Variants in KCNN2 observed in about 807,000 individuals in gnomAD.
KCNN2 encodes the protein potassium calcium-activated channel subfamily N member 2.
KCNN2 carries 24 observed loss-of-function variants against 55.5 expected under a neutral mutation model. That is an observed-to-expected ratio of 0.43 (90% CI 0.31 to 0.61). KCNN2 has a LOEUF of 0.61. Among genes scored for constraint, KCNN2 ranks in the 20% least tolerant of loss-of-function variants. KCNN2 has a pLI of 0.08. For synonymous variants in KCNN2, 431 were observed against 336.1 expected, an observed-to-expected ratio of 1.28 and a Z score of -3.09; for missense variants, 754 against 853.6, an observed-to-expected ratio of 0.88 and a Z score of 1.45.
chr5:114,100,714 T>C (rs1000817576), intron 1 of KCNN2, among the ~76,000 whole-genome samples: 1 of 152,092 alleles, frequency 6.6e-6, no homozygotes, highest in African/African-American at 2.4e-5. Context: ...CTAAGGCTTC[T>C]TGGAGAAATT....
intron 2 of KCNN2, among the ~76,000 whole-genome samples, chr5:114,223,617 G>T (rs1303776170): frequency 6.6e-6 from 1 of 152,070 alleles, no homozygotes; most frequent in South Asian, 2.1e-4. Flanking sequence ...TTTTACAAGA[G>T]AATTTAATAC....
chr5:114,351,878 C>T (rs1757208616), intron 2 of KCNN2, among the ~76,000 whole-genome samples: 1 of 151,638 alleles, frequency 6.6e-6, no homozygotes, highest in Non-Finnish European at 1.5e-5. Flanking sequence ...ATTTTTGCAT[C>T]TATATACATA....
At chr5:114,409,351 C>A (rs147752365) in intron 3 of KCNN2, among the ~76,000 whole-genome samples, 5 of 152,234 alleles carry the variant, frequency 3.3e-5, no homozygotes, top group African/African-American at 7.2e-5. Context: ...ATTGTTTTTC[C>A]GTAAATTTGC....
intron 2 of KCNN2, among the ~76,000 whole-genome samples, chr5:114,251,663 G>A (rs189997260): frequency 1.3e-5 from 2 of 152,092 alleles, no homozygotes; most frequent in African/African-American, 4.8e-5. Flanking sequence ...ATGTGGTCAC[G>A]TGTGCATTCC....
chr5:114,406,853 A>T (rs971757185), intron 3 of KCNN2, among the ~76,000 whole-genome samples: 2 of 151,982 alleles, frequency 1.3e-5, no homozygotes, highest in Non-Finnish European at 2.9e-5. Context: ...AAGCAAAGGT[A>T]GTATATAAGA....
chr5:114,226,010 C>T (rs1267397640), intron 2 of KCNN2, among the ~76,000 whole-genome samples: 7 of 152,302 alleles, frequency 4.6e-5, no homozygotes, highest in African/African-American at 1.7e-4. Context: ...AAACAAAGAA[C>T]TATCCGGGAC....
chr5:114,232,173 G>T (rs1193964499), intron 2 of KCNN2, among the ~76,000 whole-genome samples: 1 of 150,776 alleles, frequency 6.6e-6, no homozygotes, highest in Non-Finnish European at 1.5e-5. Flanking sequence ...ATAGAATGTG[G>T]CACATAGGAG....
At chr5:114,155,396 G>T (rs752231998) in intron 1 of KCNN2, among the ~76,000 whole-genome samples, 4 of 152,070 alleles carry the variant, frequency 2.6e-5, no homozygotes, top group Admixed American at 2.0e-4. Flanking sequence ...TTCTTTGGGT[G>T]TATACCCGGT....
intron 2 of KCNN2, among the ~76,000 whole-genome samples, chr5:114,390,676 C>T (rs947470184): frequency 2.0e-5 from 3 of 152,258 alleles, no homozygotes; most frequent in Admixed American, 2.0e-4. Context: ...CCTAGATCTG[C>T]TTGACTCAAT....
intron 4 of KCNN2, among the ~76,000 whole-genome samples, chr5:114,469,148 C>CTAAT (rs1166627115): frequency 6.6e-6 from 1 of 152,140 alleles, no homozygotes; most frequent in Admixed American, 6.6e-5. Context: ...GTAATAGTAA[C>CTAAT]TAATTGTCAT....
At chr5:114,491,714 TTTCTC>T (rs775028806) in intron 6 of KCNN2, among the ~76,000 whole-genome samples, 1 of 152,070 alleles carries the variant, frequency 6.6e-6, no homozygotes, top group African/African-American at 2.4e-5. Flanking sequence ...TGCAGAAACA[TTTCTC>T]TAATCTAACA....
intron 1 of KCNN2, among the ~76,000 whole-genome samples, chr5:114,084,026 G>A (rs2416362): frequency 0.077 from 11,701 of 151,974 alleles, 551 homozygotes; most frequent in Non-Finnish European, 0.1. Context: ...TATTTTTATT[G>A]TTGTGTGAAA....
intron 1 of KCNN2, among the ~76,000 whole-genome samples, chr5:114,139,014 G>A (rs548798980): frequency 6.6e-6 from 1 of 152,218 alleles, no homozygotes; most frequent in African/African-American, 2.4e-5. Context: ...TACATCAGAA[G>A]TTATACCTGC....
chr5:114,482,647 C>G (rs1341873587), intron 5 of KCNN2, among the ~76,000 whole-genome samples: 1 of 152,064 alleles, frequency 6.6e-6, no homozygotes, highest in Non-Finnish European at 1.5e-5. Context: ...CAGTAATAGA[C>G]TGGATAAAGA....
intron 1 of KCNN2, among the ~76,000 whole-genome samples, chr5:114,187,231 T>C (rs1247068976): frequency 6.6e-6 from 1 of 152,082 alleles, no homozygotes; most frequent in Non-Finnish European, 1.5e-5. Context: ...CACCCCACTT[T>C]TGCTGCAGGC....
intron 2 of KCNN2, among the ~76,000 whole-genome samples, chr5:114,261,524 G>C (rs115623389): frequency 6.6e-6 from 1 of 152,248 alleles, no homozygotes; most frequent in South Asian, 2.1e-4. Flanking sequence ...GTCCAAAAAG[G>C]CAGAGGGCCA....
chr5:114,490,715 C>A (rs1203327883), intron 6 of KCNN2: 2 of 397,954 alleles, frequency 5.0e-6, no homozygotes, highest in African/African-American at 2.1e-5. Context: ...TTGTGTGAGC[C>A]GCTCCTTTCA....
intron 2 of KCNN2, among the ~76,000 whole-genome samples, chr5:114,265,920 A>G (rs945649266): frequency 6.6e-5 from 10 of 152,134 alleles, no homozygotes; most frequent in African/African-American, 2.2e-4. Context: ...GAGAGATTGG[A>G]GAAGACAGGG....
chr5:114,376,548 C>T (rs1443249916), intron 2 of KCNN2, among the ~76,000 whole-genome samples: 1 of 152,164 alleles, frequency 6.6e-6, no homozygotes, highest in African/African-American at 2.4e-5. Flanking sequence ...TGGTGAGAAA[C>T]GATAGGCTCA....
Sources: allele counts gnomAD v4.1 joint callset (sites outside exome capture counted in the v4.1 genomes callset), GRCh38; gene constraint gnomAD v4.1.1; transcripts MANE v1.5; gene names NCBI Gene and HGNC (gene_info 2026-07-23, HGNC 2026-07-21).